RNF170: variants seen among roughly 807,000 people sequenced by gnomAD.
The protein encoded by RNF170 is E3 ubiquitin-protein ligase RNF170.
In RNF170, 12 loss-of-function variants were observed where a neutral mutation model predicts 32.7. The observed-to-expected ratio is 0.37, with a 90% confidence interval of 0.24 to 0.60. The LOEUF is 0.60. RNF170 is among the 20% of genes least tolerant of loss of function. The pLI is 0.72. For missense variants in RNF170, 212 were observed against 311.2 expected (o/e 0.68, Z 2.40); for synonymous variants, 91 against 103.6 (o/e 0.88, Z 0.74).
chr8:42,857,496 G>T (rs1803329341), intron 6 of RNF170, among the ~76,000 whole-genome samples: 1 of 152,132 alleles, frequency 6.6e-6, no homozygotes, highest in Non-Finnish European at 1.5e-5. Flanking sequence ...TTGTTCACTT[G>T]TAATACAGTA....
At chr8:42,891,582 T>C (rs1001435943) in intron 1 of RNF170, among the ~76,000 whole-genome samples, 1 of 152,222 alleles carries the variant, frequency 6.6e-6, no homozygotes, top group Non-Finnish European at 1.5e-5. Context: ...ATTAAAATTC[T>C]GTTAAATGTC....
In RNF170 at chr8:42,854,064, TC is replaced by T; in HGVS notation, c.*2094del. 7.8e-7 allele frequency: 1 copy of T among 1,287,184 alleles called. No individual in the cohort carries two copies. The highest frequency in any genetic ancestry group is 1.0e-6 in the Non-Finnish European group (1 of 988,686). The allele number at this position is 1,287,184 out of a possible 1,614,324, so 79.7% of individuals were successfully genotyped here. A position where few individuals can be genotyped will look rare whatever the true frequency, so the allele number is the denominator to read the frequency against. On this transcript the variant is annotated 3_prime_UTR_variant, in exon 7 of 7. Transcript: ENST00000527424. ...TCTGGTACATGGCAGTGTGACAAACTCCTACTCACTCGCTTTTCAAGTTGGT... is the reference window on the plus strand; with the variant it reads ...TCTGGTACATGGCAGTGTGACAAACTCTACTCACTCGCTTTTCAAGTTGGT...
At chr8:42,890,929 T>C (rs1218836857) in intron 1 of RNF170, among the ~76,000 whole-genome samples, 1 of 152,202 alleles carries the variant, frequency 6.6e-6, no homozygotes, top group Non-Finnish European at 1.5e-5. Context: ...GGAAAGAGGC[T>C]GGTCTGATTT....
At chr8:42,864,496 G>A (rs2128929037) in intron 5 of RNF170, among the ~76,000 whole-genome samples, 1 of 152,262 alleles carries the variant, frequency 6.6e-6, no homozygotes, top group South Asian at 2.1e-4. Context: ...CTTAAAAACT[G>A]AGAATATTGG....
At chr8:42,875,329 G>A (rs1043894342) in intron 2 of RNF170, among the ~76,000 whole-genome samples, 2 of 152,104 alleles carry the variant, frequency 1.3e-5, no homozygotes, top group African/African-American at 4.8e-5. Flanking sequence ...CAGTCCCATG[G>A]TTACTCTACA....
chr8:42,872,499 G>C (rs1420111337), intron 3 of RNF170, among the ~76,000 whole-genome samples: 1 of 152,168 alleles, frequency 6.6e-6, no homozygotes, highest in African/African-American at 2.4e-5. Flanking sequence ...CTGGAGTGCA[G>C]TGGCGCAATC....
intron 5 of RNF170, among the ~76,000 whole-genome samples, chr8:42,863,938 AACAG>A (rs1336818323): frequency 2.6e-5 from 4 of 151,152 alleles, no homozygotes; most frequent in Non-Finnish European, 4.4e-5. Context: ...GTTGAGGGGA[AACAG>A]ACAGCTACAA....
At chr8:42,888,459 TAA>T (rs879849612) in intron 1 of RNF170, among the ~76,000 whole-genome samples, 1 of 143,426 alleles carries the variant, frequency 7.0e-6, no homozygotes. Context: ...TTAACCCCTT[TAA>T]AAAAAAAAAG....
downstream of RNF170, among the ~76,000 whole-genome samples, chr8:42,851,991 T>G (rs914349349): frequency 1.3e-5 from 2 of 152,192 alleles, no homozygotes; most frequent in Non-Finnish European, 2.9e-5. Context: ...AAACGGCCTT[T>G]AATAAAAAGA....
chr8:42,896,670 C>T (rs908921932), upstream of RNF170: 1 of 450,184 alleles, frequency 2.2e-6, no homozygotes, highest in African/African-American at 2.0e-5. Context: ...GAGGAGGACC[C>T]GTCGCCGCAG....
At chr8:42,888,405 CATTT>C (rs1383470221) in intron 1 of RNF170, among the ~76,000 whole-genome samples, 3 of 151,448 alleles carry the variant, frequency 2.0e-5, no homozygotes, top group Non-Finnish European at 4.4e-5. Context: ...TATAATTTAT[CATTT>C]ATTTATGTAT....
chr8:42,888,887 CT>C (rs1361463055), intron 1 of RNF170, among the ~76,000 whole-genome samples: 1 of 152,132 alleles, frequency 6.6e-6, no homozygotes, highest in African/African-American at 2.4e-5. Flanking sequence ...CCTTTTCCCC[CT>C]CACAGCATGT....
chr8:42,890,992 T>C (rs1806256203), intron 1 of RNF170, among the ~76,000 whole-genome samples: 1 of 152,176 alleles, frequency 6.6e-6, no homozygotes, highest in Non-Finnish European at 1.5e-5. Context: ...GGAGATGACA[T>C]AATACCTCAG....
At chr8:42,883,998 T>A (rs1296737905) in intron 2 of RNF170, among the ~76,000 whole-genome samples, 1 of 152,180 alleles carries the variant, frequency 6.6e-6, no homozygotes, top group Non-Finnish European at 1.5e-5. Context: ...GTAGGCTGAG[T>A]AAAAATTTCA....
intron 2 of RNF170, among the ~76,000 whole-genome samples, chr8:42,886,242 A>C (rs903907759): frequency 6.6e-6 from 1 of 151,822 alleles, no homozygotes; most frequent in Non-Finnish European, 1.5e-5. Flanking sequence ...AAATAATAAT[A>C]ATAATAGAAA....
chr8:42,877,844 G>A (rs1805075491), intron 2 of RNF170, among the ~76,000 whole-genome samples: 1 of 152,176 alleles, frequency 6.6e-6, no homozygotes, highest in Non-Finnish European at 1.5e-5. Flanking sequence ...AATATCCACA[G>A]AAAGGGACAA....
intron 2 of RNF170, among the ~76,000 whole-genome samples, chr8:42,885,913 C>T (rs998802478): frequency 2.0e-5 from 3 of 152,054 alleles, no homozygotes; most frequent in East Asian, 1.9e-4. Context: ...TGCACCACCA[C>T]GCCTGCCTAA....
chr8:42,870,530 G>A (rs1804445563), intron 3 of RNF170, among the ~76,000 whole-genome samples: 1 of 151,902 alleles, frequency 6.6e-6, no homozygotes, highest in African/African-American at 2.4e-5. Flanking sequence ...AGTTCCAGAC[G>A]AGCCTGGGCA....
intron 2 of RNF170, among the ~76,000 whole-genome samples, chr8:42,878,456 TAGA>T (rs528231389): frequency 1.1e-3 from 164 of 152,282 alleles, no homozygotes; most frequent in African/African-American, 3.8e-3. Flanking sequence ...GTACTCTGGA[TAGA>T]AGATCAAACC....
Sources: gnomAD v4.1 joint callset for allele counts (sites outside exome capture counted in the v4.1 genomes callset) on GRCh38, gnomAD v4.1.1 for gene constraint, MANE v1.5 for transcripts, NCBI Gene and HGNC (gene_info 2026-07-23, HGNC 2026-07-21) for gene names.